PFKFB3: variants seen among roughly 807,000 people sequenced by gnomAD.
PFKFB3 encodes 6-phosphofructo-2-kinase/fructose-2,6-biphosphatase 3, also known as 6-phosphofructo-2-kinase/fructose-2,6-bisphosphatase 3.
In PFKFB3, 33 loss-of-function variants were observed where a neutral mutation model predicts 68.0. That is an observed-to-expected ratio of 0.49 (90% CI 0.37 to 0.65). PFKFB3 has a LOEUF of 0.65. PFKFB3 is among the 30% of genes least tolerant of loss of function. The pLI is 0.00. For missense variants in PFKFB3, 586 were observed against 712.2 expected (o/e 0.82, Z 2.02); for synonymous variants, 315 against 288.2 (o/e 1.09, Z -0.94).
rs1041015082 is a variant in PFKFB3, at chr10:6,219,813, T to A, written c.623+120T>A. ...TAAAAAAATTTTTTTAAGACAGTTTTTTTTGTAGAGATGAGGTCTCGCTAT... is the reference window on the plus strand; with the variant it reads ...TAAAAAAATTTTTTTAAGACAGTTTATTTTGTAGAGATGAGGTCTCGCTAT... On this transcript the variant is annotated intron_variant, in intron 7 of 14. Transcript: ENST00000379775. The A allele has an allele frequency of 8.6e-6, 9 of 1,042,982 alleles. No homozygotes were observed. The African/African-American group carries it at 1.3e-4, about 15-fold the overall frequency. The allele number at this position is 1,042,982 out of a possible 1,614,324, so 64.6% of individuals were successfully genotyped here. A position where few individuals can be genotyped will look rare whatever the true frequency, so the allele number is the denominator to read the frequency against.
chr10:6,224,387 G>T, intron 13 of PFKFB3, 174 bp downstream of exon 13: 1 of 638,298 alleles, frequency 1.6e-6, no homozygotes. Flanking sequence ...CTGTTCTGTG[G>T]CTTCTGGGGC....
the PFKFB3 span, among the ~76,000 whole-genome samples, chr10:6,268,607 A>G: frequency 6.6e-5 from 10 of 152,084 alleles, no homozygotes; most frequent in Non-Finnish European, 1.5e-4. Context: ...CCTGGGTGAC[A>G]GAATGATACT....
At chr10:6,161,321 T>C (rs1841961639) in intron 1 of PFKFB3, among the ~76,000 whole-genome samples, 1 of 152,122 alleles carries the variant, frequency 6.6e-6, no homozygotes, top group East Asian at 1.9e-4. Context: ...GGAGCAGTGA[T>C]AGGGTGACTC....
chr10:6,283,698 G>A, the PFKFB3 span, among the ~76,000 whole-genome samples: 1 of 152,214 alleles, frequency 6.6e-6, no homozygotes, highest in East Asian at 1.9e-4. Context: ...TTGTTTTTCA[G>A]TTGCTGTGGA....
intron 1 of PFKFB3, among the ~76,000 whole-genome samples, chr10:6,196,278 C>T (rs968090278): frequency 6.6e-6 from 1 of 152,150 alleles, no homozygotes; most frequent in Non-Finnish European, 1.5e-5. Context: ...CCACAGGCGC[C>T]TGCTACCACA....
Position 6,220,683 on chromosome 10 carries a change from G to C in PFKFB3, c.649G>C (p.Asp217His). ...DRDLSLIKVI[D>H]VGRRFLVNRV... ...GGACTTGTCGCTGATCAAGGTGATT[G>C]ACGTGGGCCGGAGGTTCCTGGTGAA... The change falls in exon 8 of 15, where the codon GAC becomes CAC. Residue 217 changes from aspartate (D) to histidine (H), a missense_variant. Coordinates refer to ENST00000379775, the MANE Select transcript of PFKFB3 (RefSeq NM_004566.4). This position sits in a 1 kb window ranked among gnomAD's most constrained non-coding sequence, Gnocchi z 4.1. 1 of 1,614,010 alleles carries C rather than the reference G, an allele frequency of 6.2e-7. No individual in the cohort carries two copies. The highest frequency in any genetic ancestry group is 8.5e-7 in the Non-Finnish European group (1 of 1,180,028).
rs1845493194 is a variant in PFKFB3, at chr10:6,228,313, A to C, written c.1515+1948A>C. 1 of 1,402,856 alleles carries C rather than the reference A, an allele frequency of 7.1e-7. No homozygotes were observed. Among genetic ancestry groups the C allele is most frequent in the Non-Finnish European group, 1.0e-6 (1 of 990,418 alleles). The allele number at this position is 1,402,856 out of a possible 1,614,324, so 86.9% of individuals were successfully genotyped here. A position where few individuals can be genotyped will look rare whatever the true frequency, so the allele number is the denominator to read the frequency against. On this transcript the variant is annotated intron_variant, in intron 14 of 14. Coordinates refer to ENST00000379775, the MANE Select transcript of PFKFB3 (RefSeq NM_004566.4). The surrounding 1 kb of genome is among the most constrained non-coding windows in gnomAD (Gnocchi z 4.5). ...CTGTTAAAATATTGAGGATGAGAGC[A>C]GTTTTGTGATGTGAGGTCTTCCGTG... is the stretch of plus-strand genomic sequence containing the variant.
chr10:6,229,042 C>T lies in PFKFB3; in HGVS notation c.1515+2677C>T, dbSNP rs1016077308. The T allele has an allele frequency of 1.6e-5, 8 of 488,250 alleles. 1 individual carries two copies. The highest frequency in any genetic ancestry group is 7.6e-5 in the South Asian group (5 of 65,730). The allele number at this position is 488,250 out of a possible 1,614,324, so 30.2% of individuals were successfully genotyped here. On this transcript the variant is annotated intron_variant, in intron 14 of 14. Coordinates refer to ENST00000379775, the MANE Select transcript of PFKFB3 (RefSeq NM_004566.4). This position sits in a 1 kb window ranked among gnomAD's most constrained non-coding sequence, Gnocchi z 4.3. ...CACATGAAGTGTCATCCCCTTGCCC[C>T]CCCAAAAACACACCCGCCCCTTTAT... is the stretch of plus-strand genomic sequence containing the variant.
chr10:6,192,366 C>CCTTTTT (rs1564609433), intron 1 of PFKFB3, among the ~76,000 whole-genome samples: 1 of 113,070 alleles, frequency 8.8e-6, no homozygotes. Context: ...TTTCTTTCTT[C>CCTTTTT]TTTTTTTTTT....
chr10:6,226,576 A>C, intron 14 of PFKFB3: 1 of 559,462 alleles, frequency 1.8e-6, no homozygotes. Context: ...CACCCTCCGA[A>C]GTTAAGATCC....
At chr10:6,291,334 G>C in the PFKFB3 span, among the ~76,000 whole-genome samples, 1 of 152,158 alleles carries the variant, frequency 6.6e-6, no homozygotes, top group Non-Finnish European at 1.5e-5. Context: ...GGGAGGCCAA[G>C]GTGGGCGGAT....
In PFKFB3 at chr10:6,228,891, T is replaced by C. The variant is rs1458001043; in HGVS notation, c.1515+2526T>C. On this transcript the variant is annotated intron_variant, in intron 14 of 14. Transcript: ENST00000379775. The surrounding 1 kb of genome is among the most constrained non-coding windows in gnomAD (Gnocchi z 4.5). ...CACTTCTGCTCCTCCCAGAGCTCTC[T>C]GCAGAGTTTCAGGTTCAGCCTTAGC... 2.6e-5 allele frequency among the ~76,000 whole-genome samples: 4 copies of C among 152,150 alleles called. No homozygotes were observed. Among genetic ancestry groups the C allele is most frequent in the Non-Finnish European group, 5.9e-5 (4 of 68,014 alleles).
At chr10:6,241,385 G>A (rs976881971) in intron 14 of PFKFB3, among the ~76,000 whole-genome samples, 1 of 152,164 alleles carries the variant, frequency 6.6e-6, no homozygotes, top group African/African-American at 2.4e-5. Flanking sequence ...TGGTGAAGGT[G>A]GTGTCTAACC....
At chr10:6,167,838 A>G (rs2131734253) in intron 1 of PFKFB3, among the ~76,000 whole-genome samples, 1 of 152,308 alleles carries the variant, frequency 6.6e-6, no homozygotes, top group South Asian at 2.1e-4. Flanking sequence ...GTGTTAAGGA[A>G]TTGGATATCT....
At chr10:6,161,985 T>C (rs1799520694) in intron 1 of PFKFB3, among the ~76,000 whole-genome samples, 1 of 152,124 alleles carries the variant, frequency 6.6e-6, no homozygotes, top group African/African-American at 2.4e-5. Flanking sequence ...CCACCAACCA[T>C]CTCTAGAACT....
At chr10:6,146,510 A>T in intron 1 of PFKFB3, 1 of 1,533,282 alleles carries the variant, frequency 6.5e-7, no homozygotes, top group Non-Finnish European at 8.7e-7. Flanking sequence ...TGATTCGGCC[A>T]CCTTGACTCT....
rs1057427213 is a variant in PFKFB3, at chr10:6,215,477, C to T, written c.299+160C>T. On this transcript the variant is annotated intron_variant, in intron 3 of 14. Transcript: ENST00000379775. The surrounding 1 kb of genome is among the most constrained non-coding windows in gnomAD (Gnocchi z 4.3). ...TGCGGGTGTAAGGCTGGGCTGCGGG[C>T]TTGGGCTTGCTTTGTTCTGAGCCAG... Among the ~76,000 whole-genome samples the T allele has an allele frequency of 3.9e-5, 6 of 152,000 alleles. No homozygotes were observed. Among genetic ancestry groups the T allele is most frequent in the African/African-American group, 1.4e-4 (6 of 41,452 alleles).
intron 8 of PFKFB3, among the ~76,000 whole-genome samples, chr10:6,221,147 T>C (rs1234371544): frequency 1.3e-5 from 2 of 152,076 alleles, no homozygotes; most frequent in African/African-American, 4.8e-5. Flanking sequence ...GGTGTGTGTA[T>C]CTCTGTGCAT....
chr10:6,257,173 G>A (rs1022184436), downstream of PFKFB3, among the ~76,000 whole-genome samples: 5 of 152,130 alleles, frequency 3.3e-5, no homozygotes, highest in Non-Finnish European at 2.9e-5. Flanking sequence ...GAAGAGACAG[G>A]CACTGCTGTG....
Sources: allele counts gnomAD v4.1 joint callset (sites outside exome capture counted in the v4.1 genomes callset), GRCh38; gene constraint gnomAD v4.1.1; non-coding constraint Gnocchi (gnomAD v3.1); transcripts MANE v1.5; gene names NCBI Gene and HGNC (gene_info 2026-07-23, HGNC 2026-07-21).